The following P3H2 variants were observed in gnomAD, a reference collection of about 807,000 sequenced individuals.
The protein encoded by P3H2 is leprecan-like 1.
P3H2 carries 80 observed loss-of-function variants against 87.0 expected under a neutral mutation model. The observed-to-expected ratio is 0.92, with a 90% CI of 0.77 to 1.11. The LOEUF (loss-of-function observed/expected upper bound fraction) is 1.11. Ranked by LOEUF, P3H2 falls within the 50% of genes least tolerant of loss-of-function variation. P3H2 has a pLI of 0.00. For synonymous variants in P3H2, 367 were observed against 359.3 expected (o/e 1.02, Z -0.24); for missense variants, 1,001 against 923.9 (o/e 1.08, Z -1.08).
intron 1 of P3H2, among the ~76,000 whole-genome samples, chr3:190,095,817 T>C (rs1560399414): frequency 6.6e-6 from 1 of 152,082 alleles, no homozygotes; most frequent in East Asian, 1.9e-4. Flanking sequence ...TTAGCCAGGA[T>C]GGTCTCGATC....
At chr3:190,061,598 C>T (rs763582316) in intron 1 of P3H2, among the ~76,000 whole-genome samples, 6 of 152,104 alleles carry the variant, frequency 3.9e-5, no homozygotes, top group Non-Finnish European at 7.4e-5. Flanking sequence ...TTTTAGAGTT[C>T]ATTTCTGCCA....
intron 1 of P3H2, among the ~76,000 whole-genome samples, chr3:190,113,958 T>G (rs1345439672): frequency 1.7e-4 from 25 of 148,760 alleles, no homozygotes; most frequent in Admixed American, 1.7e-3. Context: ...CGGGCGCCTG[T>G]AGTCCCAGCT....
chr3:190,013,947 A>C (rs1724673397), intron 1 of P3H2, among the ~76,000 whole-genome samples: 1 of 152,174 alleles, frequency 6.6e-6, no homozygotes, highest in African/African-American at 2.4e-5. Context: ...GTAGGAAAAA[A>C]GTAGGTGTAA....
intron 1 of P3H2, among the ~76,000 whole-genome samples, chr3:190,093,582 G>A (rs994095067): frequency 3.9e-5 from 6 of 152,330 alleles, no homozygotes; most frequent in African/African-American, 1.4e-4. Context: ...AGGAAGGATC[G>A]TGATGAACCA....
chr3:190,076,524 C>G (rs575878695), intron 1 of P3H2, among the ~76,000 whole-genome samples: 7 of 152,322 alleles, frequency 4.6e-5, no homozygotes, highest in East Asian at 1.9e-4. Flanking sequence ...ATATCCACCT[C>G]CCTAGGTCTA....
chr3:190,053,433 T>C (rs1726045339), intron 1 of P3H2, among the ~76,000 whole-genome samples: 1 of 151,632 alleles, frequency 6.6e-6, no homozygotes, highest in Non-Finnish European at 1.5e-5. Flanking sequence ...TTTTTATTTT[T>C]ATTTTTAAAT....
intron 1 of P3H2, among the ~76,000 whole-genome samples, chr3:190,072,556 A>T (rs879869004): frequency 1.1e-4 from 17 of 152,292 alleles, no homozygotes; most frequent in South Asian, 2.1e-4. Flanking sequence ...TAAAAATTTT[A>T]AAAAACTAAT....
At chr3:190,103,873 C>T (rs542833517) in intron 1 of P3H2, among the ~76,000 whole-genome samples, 27 of 152,042 alleles carry the variant, frequency 1.8e-4, no homozygotes, top group African/African-American at 6.5e-4. Context: ...CTCACTGCAA[C>T]CTCTGCCTCC....
At chr3:190,030,805 C>T (rs1719629) in intron 1 of P3H2, among the ~76,000 whole-genome samples, 121,991 of 152,120 alleles carry the variant, frequency 0.8, 48,981 homozygotes, top group East Asian at 0.86. Flanking sequence ...TCTTAGACTA[C>T]AAAAGAACTT....
intron 1 of P3H2, among the ~76,000 whole-genome samples, chr3:190,001,725 T>G (rs1724222358): frequency 1.3e-5 from 2 of 152,120 alleles, no homozygotes; most frequent in African/African-American, 2.4e-5. Context: ...CATCCTTTGA[T>G]GAACCTGTAA....
intron 1 of P3H2, among the ~76,000 whole-genome samples, chr3:190,092,936 C>T (rs1429674271): frequency 6.6e-6 from 1 of 152,202 alleles, no homozygotes; most frequent in South Asian, 2.1e-4. Flanking sequence ...TAATCCCCCC[C>T]AAAAATGATA....
Position 189,988,903 on chromosome 3 carries a change from T to G in P3H2, c.955+4A>C. ...GAAGTCTTCACGGATGATCCACGCT[T>G]TACCTCGATAGTAGGCAAACTGTAG... On this transcript the variant is annotated splice_donor_region_variant and intron_variant, in intron 4 of 14. Transcript: ENST00000319332. 4 of 1,614,020 alleles carry G rather than the reference T, an allele frequency of 2.5e-6. No homozygotes were observed. The highest frequency in any genetic ancestry group is 2.2e-5 in the South Asian group (2 of 91,056).
chr3:190,070,975 AATTT>A (rs891676164), intron 1 of P3H2, among the ~76,000 whole-genome samples: 3 of 152,234 alleles, frequency 2.0e-5, no homozygotes, highest in African/African-American at 7.2e-5. Context: ...GAAGGAAAAC[AATTT>A]ATTAGAACAA....
intron 1 of P3H2, among the ~76,000 whole-genome samples, chr3:190,002,358 A>G (rs1724242120): frequency 6.6e-6 from 1 of 151,768 alleles, no homozygotes; most frequent in Non-Finnish European, 1.5e-5. Flanking sequence ...TGTCATTTAC[A>G]GTAACTATAT....
Position 189,957,470 on chromosome 3 carries a change from TGTGTG to T in P3H2, c.*437_*441del. The T allele has an allele frequency of 5.4e-6, 2 of 372,226 alleles. No homozygotes were observed. The highest frequency in any genetic ancestry group is 4.8e-6 in the Non-Finnish European group (1 of 209,162). 23.1% of individuals were successfully genotyped at this position (372,226 alleles called of 1,614,324 possible). A position where few individuals can be genotyped will look rare whatever the true frequency, so the allele number is the denominator to read the frequency against. ...GTGTGTGTGTGTGTGTGTGTGTGTG[TGTGTG>T]TGTGTTTGGGGGAGGAGGTGAACTG... On this transcript the variant is annotated 3_prime_UTR_variant, in exon 15 of 15. Coordinates refer to ENST00000319332, the MANE Select transcript of P3H2 (RefSeq NM_018192.4).
chr3:189,969,183 C>T, intron 13 of P3H2: 1 of 684,298 alleles, frequency 1.5e-6, no homozygotes, highest in South Asian at 1.5e-5. Context: ...AAACTGCTTC[C>T]TCGTGCTCCT....
rs71635315 is a variant in P3H2 at position 190,041,020 on chromosome 3, CTATATATA to C, written c.481-45586_481-45579del. ...GCAACATGGCAAAACCATGGCTCTA[CTATATATA>C]TATATATATACACACACACACACAC... On this transcript the variant is annotated intron_variant, in intron 1 of 14. Transcript: ENST00000319332. Among the ~76,000 whole-genome samples, 317 of 52,672 alleles carry C rather than the reference CTATATATA, an allele frequency of 6.0e-3. 18 individuals are homozygous for C. Among genetic ancestry groups the C allele is most frequent in the East Asian group, 0.019 (27 of 1,458 alleles). The allele number at this position is 52,672 out of a possible 152,430, so 34.6% of individuals were successfully genotyped here. A position where few individuals can be genotyped will look rare whatever the true frequency, so the allele number is the denominator to read the frequency against.
chr3:190,084,568 C>T (rs1727149493), intron 1 of P3H2, among the ~76,000 whole-genome samples: 1 of 152,174 alleles, frequency 6.6e-6, no homozygotes, highest in South Asian at 2.1e-4. Context: ...TTAATAATCA[C>T]AGGTGCTGAA....
At chr3:190,032,214 CCTGGT>C (rs1289296730) in intron 1 of P3H2, among the ~76,000 whole-genome samples, 1 of 152,084 alleles carries the variant, frequency 6.6e-6, no homozygotes, top group Admixed American at 6.6e-5. Flanking sequence ...GGTAGCAGTG[CCTGGT>C]CTACATTGTT....
Sources: allele counts gnomAD v4.1 joint callset (sites outside exome capture counted in the v4.1 genomes callset), GRCh38; gene constraint gnomAD v4.1.1; transcripts MANE v1.5; gene names NCBI Gene and HGNC (gene_info 2026-07-23, HGNC 2026-07-21).